The following TRIM54 variants were observed in gnomAD, a reference collection of about 807,000 sequenced individuals.
TRIM54 encodes the protein tripartite motif containing 54, also known as tripartite motif-containing protein 54.
In TRIM54, 40 loss-of-function variants were observed where a neutral mutation model predicts 42.0. That is an observed-to-expected ratio of 0.95 (90% CI 0.74 to 1.24). The LOEUF (loss-of-function observed/expected upper bound fraction) is 1.24, where lower values mean the gene tolerates loss of function less well. Among genes scored for constraint, TRIM54 ranks in the 50% most tolerant of loss-of-function variants. The pLI, the probability that TRIM54 is intolerant of heterozygous loss-of-function variation, is 0.00. For missense variants in TRIM54, 485 were observed against 480.3 expected, an observed-to-expected ratio of 1.01 and a Z score of -0.09; for synonymous variants, 199 against 194.9, an observed-to-expected ratio of 1.02 and a Z score of -0.17.
In TRIM54 at chr2:27,306,157, G is replaced by A. The variant is rs1572533846; in HGVS notation, c.866+55G>A. On this transcript the variant is annotated intron_variant, in intron 6 of 8. Coordinates refer to ENST00000380075, the MANE Select transcript of TRIM54 (RefSeq NM_187841.3). This position sits in a 1 kb window ranked among gnomAD's most constrained non-coding sequence, Gnocchi z 6.1. The stretch of plus-strand genomic sequence containing the variant: ...GGGGGCTGCACTGCTCCACTGGCTG[G>A]GGTGGGGCTTGAGAGTGCTGGGGCA... 1.9e-6 allele frequency: 3 copies of A among 1,614,036 alleles called. No individual in the cohort carries two copies. The East Asian group carries it at 6.7e-5, about 36-fold the overall frequency.
intron 1 of TRIM54, among the ~76,000 whole-genome samples, chr2:27,292,397 C>G (rs544438088): frequency 6.6e-6 from 1 of 152,206 alleles, no homozygotes; most frequent in East Asian, 1.9e-4. Flanking sequence ...TAGCAAGACC[C>G]TATCTCTGCA....
chr2:27,299,579 C>T, intron 3 of TRIM54, 163 bp downstream of exon 3: 1 of 1,435,170 alleles, frequency 7.0e-7, no homozygotes, highest in Non-Finnish European at 9.4e-7. Flanking sequence ...GGCACAAACA[C>T]AACTTACTGC....
chr2:27,294,236 C>CGGGAGGA (rs1217508755), intron 1 of TRIM54, among the ~76,000 whole-genome samples: 1 of 151,966 alleles, frequency 6.6e-6, no homozygotes, highest in Non-Finnish European at 1.5e-5. Context: ...TCAAGTGATC[C>CGGGAGGA]TCCCACCTCA....
chr2:27,303,962 C>T (rs1253813818), intron 3 of TRIM54, among the ~76,000 whole-genome samples: 2 of 152,304 alleles, frequency 1.3e-5, no homozygotes, highest in Admixed American at 6.5e-5. Context: ...CCGGTAATCC[C>T]GACACTTTGG....
At chr2:27,289,427 C>T (rs762512310) in intron 1 of TRIM54, among the ~76,000 whole-genome samples, 1 of 152,082 alleles carries the variant, frequency 6.6e-6, no homozygotes, top group African/African-American at 2.4e-5. Flanking sequence ...AGCAATTCTC[C>T]TGCCTCAGCC....
intron 1 of TRIM54, among the ~76,000 whole-genome samples, chr2:27,287,828 C>G (rs1402764195): frequency 1.3e-5 from 2 of 152,252 alleles, no homozygotes; most frequent in Non-Finnish European, 2.9e-5. Context: ...TGCACCTGGC[C>G]TTAAACTGAC....
Position 27,299,263 on chromosome 2 carries a change from T to C in TRIM54, c.360T>C (p.Ala120=). 3 of 1,614,084 alleles carry C rather than the reference T, an allele frequency of 1.9e-6. No individual in the cohort carries two copies. Among genetic ancestry groups the C allele is most frequent in the Non-Finnish European group, 2.5e-6 (3 of 1,180,040 alleles). Residue 120 remains alanine, a synonymous_variant, in exon 3 of 9, where the codon GCT becomes GCC. Coordinates refer to ENST00000380075, the MANE Select transcript of TRIM54 (RefSeq NM_187841.3). ...TCTCTAGGCCGCTGCACTCCAAGGCTGAGCAGCACCTCATGTGCGAGGAGC... is the reference window on the plus strand; with the variant it reads ...TCTCTAGGCCGCTGCACTCCAAGGCCGAGCAGCACCTCATGTGCGAGGAGC... ...QESSRPLHSK[A]EQHLMCEEHE...
rs1181662061 is a variant in TRIM54 at position 27,284,134 on chromosome 2, AAAAAAC to A, written c.168+1251_168+1256del. The stretch of plus-strand genomic sequence containing the variant: ...GGCGACAGAGCAAGACTCCATCTCA[AAAAAAC>A]AAAAACAAAAACAAACCCCGAATAG... On this transcript the variant is annotated intron_variant, in intron 1 of 8. Coordinates refer to ENST00000380075, the MANE Select transcript of TRIM54 (RefSeq NM_187841.3). 2.0e-5 allele frequency among the ~76,000 whole-genome samples: 3 copies of A among 152,186 alleles called. No homozygotes were observed. In the East Asian group the frequency reaches 5.8e-4, roughly 29 times the overall value.
At position 27,306,528 on chromosome 2, in the gene TRIM54, C is replaced by T. The variant is rs779177924; in HGVS notation, c.1064C>T (p.Pro355Leu). 50 of 1,555,790 alleles carry T rather than the reference C, an allele frequency of 3.2e-5. No homozygotes were observed. In the East Asian group the frequency reaches 1.1e-3, roughly 33 times the overall value. Residue 355 changes from proline (P) to leucine (L), a missense_variant, in exon 8 of 9, where the codon CCG becomes CTG. Pro to Leu is a moderately conservative substitution (Grantham distance 98, BLOSUM62 -3). Coordinates refer to ENST00000380075, the MANE Select transcript of TRIM54 (RefSeq NM_187841.3). The surrounding 1 kb of genome is among the most constrained non-coding windows in gnomAD (Gnocchi z 6.1). The stretch of plus-strand genomic sequence containing the variant: ...AGCGCGGGGCCGGAGGAAGAGCGGC[C>T]GGATGGGCCTTAAGGTGAGAGCCGC... Reference protein sequence around the residue: ...EGSAGPEEERPDGP With the variant: ...EGSAGPEEERLDGP
In TRIM54 at chr2:27,307,426, T is replaced by TAGTC. The variant is rs1012518235; in HGVS notation, c.*543_*546dup. On this transcript the variant is annotated 3_prime_UTR_variant, in exon 9 of 9. Coordinates refer to ENST00000380075, the MANE Select transcript of TRIM54 (RefSeq NM_187841.3). The surrounding 1 kb of genome is among the most constrained non-coding windows in gnomAD (Gnocchi z 6.9). ...GGTCTTCAGTACTTTTATTAAAAAA[T>TAGTC]AGTCACGCAGACAGTGCCCTGGTGG... The TAGTC allele has an allele frequency of 1.5e-4, 228 of 1,546,672 alleles. No individual in the cohort carries two copies. The African/African-American group carries it at 3.0e-3, about 20-fold the overall frequency.
In TRIM54 at chr2:27,282,499, G is replaced by C; in HGVS notation, c.-233G>C. The C allele has an allele frequency of 2.7e-6, 1 of 370,220 alleles. No individual in the cohort carries two copies. Among genetic ancestry groups the C allele is most frequent in the African/African-American group, 2.1e-5 (1 of 47,708 alleles). The allele number at this position is 370,220 out of a possible 1,614,324, so 22.9% of individuals were successfully genotyped here. On this transcript the variant is annotated 5_prime_UTR_variant, in exon 1 of 9. Coordinates refer to ENST00000380075, the MANE Select transcript of TRIM54 (RefSeq NM_187841.3). ...ACAAAAGGAGAATTTTACAGAGAGA[G>C]AGGGATAGCTAAAACTACGTGAGCC...
chr2:27,284,758 GTGTGAAAGCAAAGAGAAGT>G (rs1678511145), intron 1 of TRIM54, among the ~76,000 whole-genome samples: 1 of 152,148 alleles, frequency 6.6e-6, no homozygotes, highest in African/African-American at 2.4e-5. Flanking sequence ...AACTTGAAAT[GTGTGAAAGCAAAGAGAAGT>G]TTTGAAAGCT....
rs777182336 is a variant in TRIM54, at chr2:27,282,824, G to A, written c.93G>A (p.Glu31=). 9 of 1,614,028 alleles carry A rather than the reference G, an allele frequency of 5.6e-6. No individual in the cohort carries two copies. The highest frequency in any genetic ancestry group is 7.6e-6 in the Non-Finnish European group (9 of 1,180,020). The change falls in exon 1 of 9, where the codon GAG becomes GAA. Residue 31 remains glutamate, a synonymous_variant. Transcript: ENST00000380075. ...AGCTCATCTGCCCCATCTGCCTGGA[G>A]ATGTTCTCCAAACCAGTGGTGATCC... ...EKQLICPICL[E]MFSKPVVILP...
At position 27,304,980 on chromosome 2, in the gene TRIM54, G is replaced by A. The variant is rs773628810; in HGVS notation, c.535G>A (p.Ala179Thr). 40 of 1,614,004 alleles carry A rather than the reference G, an allele frequency of 2.5e-5. No homozygotes were observed. The highest frequency in any genetic ancestry group is 2.8e-5 in the Non-Finnish European group (33 of 1,180,018). The change falls in exon 4 of 9, where the codon GCG becomes ACG. Residue 179 changes from alanine to threonine, a missense_variant. Coordinates refer to ENST00000380075, the MANE Select transcript of TRIM54 (RefSeq NM_187841.3). Reference sequence around the variant, plus strand: ...TCAGAGTGAGCTCAGCGATGGCATCGCGATGCTGGTGGCAGGCAATGACCG... The same window carrying A: ...TCAGAGTGAGCTCAGCGATGGCATCACGATGCTGGTGGCAGGCAATGACCG... Reference protein sequence around the residue: ...RQKSELSDGIAMLVAGNDRVQ... With the variant: ...RQKSELSDGITMLVAGNDRVQ...
In TRIM54 at chr2:27,282,949, G is replaced by A. The variant is rs1328649637; in HGVS notation, c.168+50G>A. On this transcript the variant is annotated intron_variant, in intron 1 of 8. Coordinates refer to ENST00000380075, the MANE Select transcript of TRIM54 (RefSeq NM_187841.3). The stretch of plus-strand genomic sequence containing the variant: ...CCAGGTAAAGCAATGCAGACCTGTG[G>A]GGGACTGATCAGGTCAGAGCTGAGA... The A allele has an allele frequency of 7.0e-6, 11 of 1,568,324 alleles. No individual in the cohort carries two copies. The South Asian group carries it at 1.1e-4, about 16-fold the overall frequency.
chr2:27,286,959 A>G (rs1678584731), intron 1 of TRIM54, among the ~76,000 whole-genome samples: 1 of 152,214 alleles, frequency 6.6e-6, no homozygotes, highest in African/African-American at 2.4e-5. Flanking sequence ...AACTTTGGGC[A>G]GGTCTCCCTG....
At position 27,304,996 on chromosome 2, in the gene TRIM54, G is replaced by A; in HGVS notation, c.551G>A (p.Gly184Asp). 1 of 1,614,128 alleles carries A rather than the reference G, an allele frequency of 6.2e-7. No individual in the cohort carries two copies. The highest frequency in any genetic ancestry group is 8.5e-7 in the Non-Finnish European group (1 of 1,180,010). Residue 184 changes from glycine (G) to aspartate (D), a missense_variant, in exon 4 of 9, where the codon GGC becomes GAC. Transcript: ENST00000380075. The stretch of plus-strand genomic sequence containing the variant: ...GATGGCATCGCGATGCTGGTGGCAG[G>A]CAATGACCGCGTGCAAGCAGTGATC... ...LSDGIAMLVA[G>D]NDRVQAVITQ...
At position 27,306,660 on chromosome 2, in the gene TRIM54, G is replaced by T; in HGVS notation, c.*1+118G>T. On this transcript the variant is annotated intron_variant, in intron 8 of 8. Coordinates refer to ENST00000380075, the MANE Select transcript of TRIM54 (RefSeq NM_187841.3). The surrounding 1 kb of genome is among the most constrained non-coding windows in gnomAD (Gnocchi z 6.1). ...TTGCCCTCCCTGCGGGTAGCGTGGAGCCCCCACTCCTCGGTGCAACCCAAC... is the reference window on the plus strand; with the variant it reads ...TTGCCCTCCCTGCGGGTAGCGTGGATCCCCCACTCCTCGGTGCAACCCAAC... 9.0e-7 allele frequency: 1 copy of T among 1,113,532 alleles called. No homozygotes were observed. The highest frequency in any genetic ancestry group is 1.3e-6 in the Non-Finnish European group (1 of 794,654). 69.0% of individuals were successfully genotyped at this position (1,113,532 alleles called of 1,614,324 possible).
chr2:27,306,373 C>CCCGCCGA lies in TRIM54; in HGVS notation c.991+36_991+37insCCGCCGA. 6.2e-7 allele frequency: 1 copy of CCCGCCGA among 1,613,832 alleles called. No homozygotes were observed. Among genetic ancestry groups the CCCGCCGA allele is most frequent in the Non-Finnish European group, 8.5e-7 (1 of 1,179,860 alleles). ...TGGCCGAGGGCCGCTGAGACGGGTTCGGACCCTCTGTGTGGGGGGTGCGGC... is the reference window on the plus strand; with the variant it reads ...TGGCCGAGGGCCGCTGAGACGGGTTCCCGCCGAGGACCCTCTGTGTGGGGGGTGCGGC... On this transcript the variant is annotated intron_variant, in intron 7 of 8. Transcript: ENST00000380075. The surrounding 1 kb of genome is among the most constrained non-coding windows in gnomAD (Gnocchi z 6.1).
Sources: allele counts gnomAD v4.1 joint callset (sites outside exome capture counted in the v4.1 genomes callset), GRCh38; gene constraint gnomAD v4.1.1; non-coding constraint Gnocchi (gnomAD v3.1); transcripts MANE v1.5; gene names NCBI Gene and HGNC (gene_info 2026-07-23, HGNC 2026-07-21).